Variants in TCF4 observed in about 807,000 individuals in gnomAD.
TCF4 encodes SL3-3 enhancer factor 2.
A neutral mutation model predicts 82.1 loss-of-function variants in TCF4; 3 were observed. That is an observed-to-expected ratio of 0.04 (90% CI 0.02 to 0.09). TCF4 has a LOEUF of 0.09. TCF4 is among the 10% of genes least tolerant of loss of function. The pLI, the probability that TCF4 is intolerant of heterozygous loss-of-function variation, is 1.00. For missense variants in TCF4, 518 were observed against 852.7 expected (o/e 0.61, Z 4.89); for synonymous variants, 276 against 309.6 (o/e 0.89, Z 1.14).
chr18:55,490,910 G>A (rs966571933), intron 3 of TCF4, among the ~76,000 whole-genome samples: 10 of 152,172 alleles, frequency 6.6e-5, no homozygotes, highest in African/African-American at 2.2e-4. Context: ...TTAGTTGAGA[G>A]AGATTAGAGA....
In TCF4 at chr18:55,504,517, T is replaced by C. The variant is rs545554967; in HGVS notation, c.146-40380A>G. Among the ~76,000 whole-genome samples, 7 of 152,334 alleles carry C rather than the reference T, an allele frequency of 4.6e-5. No individual in the cohort carries two copies. In the South Asian group the frequency reaches 1.2e-3, roughly 27 times the overall value. On this transcript the variant is annotated intron_variant, in intron 3 of 19. Coordinates refer to ENST00000354452, the MANE Select transcript of TCF4 (RefSeq NM_001083962.2). ...AATTCTTCAATGCTTTAGAGAAAAATATGATTATACCATTAACAATTTAAT... is the reference window on the plus strand; with the variant it reads ...AATTCTTCAATGCTTTAGAGAAAAACATGATTATACCATTAACAATTTAAT...
chr18:55,360,789 G>A (rs1229380569), intron 6 of TCF4, among the ~76,000 whole-genome samples: 3 of 134,994 alleles, frequency 2.2e-5, no homozygotes, highest in East Asian at 2.2e-4. Context: ...GTGCAGTGGC[G>A]CAATCTTGGC....
intron 5 of TCF4, among the ~76,000 whole-genome samples, chr18:55,428,294 A>G (rs1195490830): frequency 6.6e-6 from 1 of 152,182 alleles, no homozygotes; most frequent in African/African-American, 2.4e-5. Flanking sequence ...TTTGTTCTCA[A>G]TTGAATGTCT....
chr18:55,414,869 G>A (rs955820239), intron 5 of TCF4, among the ~76,000 whole-genome samples: 5 of 152,154 alleles, frequency 3.3e-5, no homozygotes, highest in Non-Finnish European at 7.4e-5. Flanking sequence ...CTGCCAGTGA[G>A]CACAGCTTAA....
At chr18:55,268,208 C>A (rs985650710) in intron 11 of TCF4, 1 of 152,070 alleles carries the variant, frequency 6.6e-6, no homozygotes, top group Non-Finnish European at 1.5e-5. Context: ...CACCTTCATA[C>A]CTTCCTAAAA....
chr18:55,350,225 T>C, intron 8 of TCF4, 134 bp downstream of exon 8: 1 of 921,256 alleles, frequency 1.1e-6, no homozygotes, highest in Non-Finnish European at 1.7e-6. Context: ...GTGCAGGTCA[T>C]TTCTACCTCA....
intron 5 of TCF4, among the ~76,000 whole-genome samples, chr18:55,455,297 C>T (rs1186508305): frequency 6.6e-6 from 1 of 151,494 alleles, no homozygotes; most frequent in Non-Finnish European, 1.5e-5. Flanking sequence ...CCAGCCTTAG[C>T]TCAACAATCA....
intron 3 of TCF4, among the ~76,000 whole-genome samples, chr18:55,529,961 C>T (rs1261242875): frequency 3.9e-5 from 6 of 152,034 alleles, no homozygotes; most frequent in African/African-American, 7.2e-5. Flanking sequence ...TTGCCAAGCA[C>T]GCAAGCAGAG....
intron 8 of TCF4, among the ~76,000 whole-genome samples, chr18:55,333,113 T>C (rs2077916119): frequency 6.6e-6 from 1 of 152,208 alleles, no homozygotes; most frequent in Admixed American, 6.5e-5. Flanking sequence ...CTAAAATAAG[T>C]TATCATTCTG....
intron 8 of TCF4, among the ~76,000 whole-genome samples, chr18:55,324,674 G>A (rs2076256633): frequency 6.6e-6 from 1 of 151,908 alleles, no homozygotes; most frequent in South Asian, 2.1e-4. Flanking sequence ...TACCTACTTG[G>A]TACCACCCCC....
intron 8 of TCF4, among the ~76,000 whole-genome samples, chr18:55,344,608 T>C (rs1163624994): frequency 6.6e-6 from 1 of 152,210 alleles, no homozygotes; most frequent in Non-Finnish European, 1.5e-5. Context: ...TTATTGTTTA[T>C]GTTAGCAGCT....
At chr18:55,289,379 G>A (rs998021202) in intron 8 of TCF4, among the ~76,000 whole-genome samples, 3 of 152,198 alleles carry the variant, frequency 2.0e-5, no homozygotes, top group Non-Finnish European at 4.4e-5. Flanking sequence ...TGATGTGCAT[G>A]TGAAGAAATT....
chr18:55,227,814 G>A lies in TCF4; in HGVS notation c.*221C>T, dbSNP rs565537805. On this transcript the variant is annotated 3_prime_UTR_variant, in exon 20 of 20. Transcript: ENST00000354452. ...TCTGAATGATATGTTAAAGAAAGTC[G>A]TCCCTCAAGTTGCACTTTTTTCTTT... 6 of 235,830 alleles carry A rather than the reference G, an allele frequency of 2.5e-5. No individual in the cohort carries two copies. Among genetic ancestry groups the A allele is most frequent in the African/African-American group, 7.0e-5 (3 of 42,626 alleles). The allele number at this position is 235,830 out of a possible 1,614,324, so 14.6% of individuals were successfully genotyped here.
At chr18:55,239,601 T>G (rs1371097956) in intron 15 of TCF4, among the ~76,000 whole-genome samples, 1 of 152,198 alleles carries the variant, frequency 6.6e-6, no homozygotes, top group Non-Finnish European at 1.5e-5. Flanking sequence ...TCATTTCCTT[T>G]TTCTTTATTG....
chr18:55,385,963 C>T (rs2092566548), intron 6 of TCF4, among the ~76,000 whole-genome samples: 2 of 152,180 alleles, frequency 1.3e-5, no homozygotes, highest in Admixed American at 6.5e-5. Context: ...GACAAAGCTG[C>T]CTTTCTTCAA....
intron 3 of TCF4, among the ~76,000 whole-genome samples, chr18:55,518,170 T>C (rs770497175): frequency 2.0e-5 from 3 of 152,156 alleles, no homozygotes; most frequent in African/African-American, 4.8e-5. Flanking sequence ...ACTTCTAGAA[T>C]GCATGGAGTT....
At chr18:55,310,357 T>G (rs995158990) in intron 8 of TCF4, among the ~76,000 whole-genome samples, 3 of 152,184 alleles carry the variant, frequency 2.0e-5, no homozygotes, top group African/African-American at 7.2e-5. Flanking sequence ...TCTACTCTCA[T>G]TAAACCTTGG....
At chr18:55,390,423 T>C (rs1226876942) in intron 6 of TCF4, among the ~76,000 whole-genome samples, 1 of 151,952 alleles carries the variant, frequency 6.6e-6, no homozygotes, top group Non-Finnish European at 1.5e-5. Flanking sequence ...ACAGGGTGAG[T>C]TTCCTAATAA....
At chr18:55,440,070 T>C (rs2095411679) in intron 5 of TCF4, among the ~76,000 whole-genome samples, 1 of 152,020 alleles carries the variant, frequency 6.6e-6, no homozygotes, top group South Asian at 2.1e-4. Flanking sequence ...CTTTGGGGTG[T>C]CTGTTTATTG....
Sources: gnomAD v4.1 joint callset for allele counts (sites outside exome capture counted in the v4.1 genomes callset) on GRCh38, gnomAD v4.1.1 for gene constraint, MANE v1.5 for transcripts, NCBI Gene and HGNC (gene_info 2026-07-23, HGNC 2026-07-21) for gene names.